Variants in GUCY1A2 observed in about 807,000 individuals in gnomAD.
GUCY1A2 encodes guanylate cyclase 1 soluble subunit alpha 2.
A neutral mutation model predicts 63.5 loss-of-function variants in GUCY1A2; 27 were observed. The ratio of observed to expected loss-of-function variants is 0.43; its 90% CI spans 0.31 to 0.59. GUCY1A2 has a LOEUF of 0.59. GUCY1A2 is among the 20% of genes least tolerant of loss of function. The probability of loss-of-function intolerance (pLI) is 0.11; values close to 1 mark genes in which losing one functional copy is unlikely to be tolerated. For missense variants in GUCY1A2, 768 were observed against 913.3 expected, an observed-to-expected ratio of 0.84 and a Z score of 2.05; for synonymous variants, 364 against 343.5, an observed-to-expected ratio of 1.06 and a Z score of -0.66.
At chr11:106,999,239 T>G (rs985197325) in intron 1 of GUCY1A2, among the ~76,000 whole-genome samples, 1 of 152,174 alleles carries the variant, frequency 6.6e-6, no homozygotes, top group Non-Finnish European at 1.5e-5. Context: ...TGGCATGAGG[T>G]TCTGATACAG....
intron 6 of GUCY1A2, among the ~76,000 whole-genome samples, chr11:106,719,246 A>C (rs1319775075): frequency 1.3e-5 from 2 of 152,162 alleles, no homozygotes; most frequent in Non-Finnish European, 2.9e-5. Context: ...TTAATAAGGA[A>C]AATCATTTTC....
chr11:106,877,752 C>A (rs1305708702), intron 4 of GUCY1A2, among the ~76,000 whole-genome samples: 1 of 152,024 alleles, frequency 6.6e-6, no homozygotes, highest in African/African-American at 2.4e-5. Context: ...AAAGCAATTT[C>A]AACAAAAGCA....
chr11:106,705,766 AG>A (rs1862898378), intron 7 of GUCY1A2, among the ~76,000 whole-genome samples: 1 of 152,114 alleles, frequency 6.6e-6, no homozygotes, highest in Non-Finnish European at 1.5e-5. Flanking sequence ...AGGCTAAGGC[AG>A]GAGAATCCCT....
intron 6 of GUCY1A2, among the ~76,000 whole-genome samples, chr11:106,736,490 G>A (rs902130045): frequency 1.3e-5 from 2 of 152,066 alleles, no homozygotes; most frequent in East Asian, 3.9e-4. Context: ...ATTAGCCTAT[G>A]TGTCTATTTT....
intron 4 of GUCY1A2, among the ~76,000 whole-genome samples, chr11:106,829,100 G>A (rs952848514): frequency 6.6e-6 from 1 of 152,174 alleles, no homozygotes; most frequent in African/African-American, 2.4e-5. Context: ...GACGAACAAA[G>A]TCAATCTGTG....
chr11:106,789,897 A>G (rs1157932886), intron 5 of GUCY1A2, among the ~76,000 whole-genome samples: 2 of 152,140 alleles, frequency 1.3e-5, no homozygotes, highest in Non-Finnish European at 2.9e-5. Flanking sequence ...GGCTTGGGAT[A>G]GAGGGACACA....
intron 1 of GUCY1A2, among the ~76,000 whole-genome samples, chr11:106,994,164 C>T (rs1327242188): frequency 6.6e-6 from 1 of 152,130 alleles, no homozygotes; most frequent in Non-Finnish European, 1.5e-5. Context: ...ATAACCTTTG[C>T]CTTATTAGAA....
intron 7 of GUCY1A2, among the ~76,000 whole-genome samples, chr11:106,697,108 A>C (rs1427601413): frequency 1.3e-5 from 2 of 152,246 alleles, no homozygotes; most frequent in Non-Finnish European, 2.9e-5. Flanking sequence ...CAGCGTGATC[A>C]AACATGTTAG....
chr11:106,894,141 G>A (rs1354918863), intron 4 of GUCY1A2, among the ~76,000 whole-genome samples: 2 of 152,058 alleles, frequency 1.3e-5, no homozygotes, highest in South Asian at 2.1e-4. Context: ...CTAGCCTTCC[G>A]CATGGAGGAA....
chr11:106,858,083 C>T (rs1396343223), intron 4 of GUCY1A2, among the ~76,000 whole-genome samples: 1 of 152,150 alleles, frequency 6.6e-6, no homozygotes, highest in East Asian at 1.9e-4. Flanking sequence ...GTACCTTTCA[C>T]ATATATTGTC....
At chr11:106,774,082 C>T (rs897105935) in intron 6 of GUCY1A2, among the ~76,000 whole-genome samples, 4 of 152,180 alleles carry the variant, frequency 2.6e-5, no homozygotes, top group African/African-American at 9.6e-5. Flanking sequence ...GCCAAGAGTC[C>T]CCCAAGCATT....
chr11:106,828,009 T>A (rs1455962273), intron 4 of GUCY1A2: 7 of 678,000 alleles, frequency 1.0e-5, no homozygotes, highest in Non-Finnish European at 1.9e-5. Context: ...GAATCCGACC[T>A]ACGGGTGCTC....
At position 106,679,110 on chromosome 11, in the gene GUCY1A2, C is replaced by G. The variant is rs1257455011; in HGVS notation, c.*8439G>C. 5.4e-6 allele frequency: 1 copy of G among 184,494 alleles called. No homozygotes were observed. Among genetic ancestry groups the G allele is most frequent in the African/African-American group, 2.3e-5 (1 of 42,686 alleles). 11.4% of individuals were successfully genotyped at this position (184,494 alleles called of 1,614,324 possible). A position where few individuals can be genotyped will look rare whatever the true frequency, so the allele number is the denominator to read the frequency against. On this transcript the variant is annotated 3_prime_UTR_variant, in exon 8 of 8. Transcript: ENST00000526355. ...CTCTTTCAGGACAATAAATCTTTGT[C>G]TTAAATTCTTTTTCTAACTGATAAT...
intron 6 of GUCY1A2, among the ~76,000 whole-genome samples, 178 bp downstream of exon 6, chr11:106,776,261 C>T (rs1864355621): frequency 6.6e-6 from 1 of 152,156 alleles, no homozygotes; most frequent in Non-Finnish European, 1.5e-5. Context: ...TATCTTGGAC[C>T]TATTCCATTT....
intron 6 of GUCY1A2, among the ~76,000 whole-genome samples, chr11:106,736,553 TCAGGTAATGTAATTTCTC>T (rs1356841266): frequency 1.3e-5 from 2 of 152,148 alleles, no homozygotes; most frequent in African/African-American, 4.8e-5. Flanking sequence ...ATAATTTAAG[TCAGGTAATGTAATTTCTC>T]CAGTCTTATT....
chr11:106,819,823 T>C (rs1173049381), intron 4 of GUCY1A2, among the ~76,000 whole-genome samples: 1 of 152,184 alleles, frequency 6.6e-6, no homozygotes, highest in Non-Finnish European at 1.5e-5. Context: ...AAAAAAATAC[T>C]GTCTTTTGAG....
At chr11:106,948,005 TTAGA>T (rs1044018737) in intron 3 of GUCY1A2, among the ~76,000 whole-genome samples, 4 of 152,040 alleles carry the variant, frequency 2.6e-5, no homozygotes, top group African/African-American at 4.8e-5. Flanking sequence ...TTAAGACGAA[TTAGA>T]TAAATCAGAA....
intron 6 of GUCY1A2, among the ~76,000 whole-genome samples, chr11:106,714,847 G>A (rs1161904880): frequency 6.6e-6 from 1 of 152,122 alleles, no homozygotes; most frequent in Non-Finnish European, 1.5e-5. Context: ...AATATCAACA[G>A]TGCCAAGACT....
In GUCY1A2 at chr11:106,686,875, C is replaced by T. The variant is rs546084011; in HGVS notation, c.*674G>A. Reference sequence around the variant, plus strand: ...ATCCTTGGTTATATGTATTCTCAGTCGAAGCACTGATCTCTCTAAATAAGG... The same window carrying T: ...ATCCTTGGTTATATGTATTCTCAGTTGAAGCACTGATCTCTCTAAATAAGG... On this transcript the variant is annotated 3_prime_UTR_variant, in exon 8 of 8. Transcript: ENST00000526355. The T allele has an allele frequency of 1.5e-5, 3 of 195,730 alleles. No individual in the cohort carries two copies. Among genetic ancestry groups the T allele is most frequent in the East Asian group, 8.1e-5 (1 of 12,390 alleles). The allele number at this position is 195,730 out of a possible 1,614,324, so 12.1% of individuals were successfully genotyped here. A position where few individuals can be genotyped will look rare whatever the true frequency, so the allele number is the denominator to read the frequency against.
Sources: allele counts gnomAD v4.1 joint callset (sites outside exome capture counted in the v4.1 genomes callset), GRCh38; gene constraint gnomAD v4.1.1; transcripts MANE v1.5; gene names NCBI Gene and HGNC (gene_info 2026-07-23, HGNC 2026-07-21).